Variants in SPOCK3 observed in about 807,000 individuals in gnomAD.
SPOCK3 encodes SPARC (osteonectin), cwcv and kazal like domains proteoglycan 3, also known as testican-3.
A neutral mutation model predicts 56.6 loss-of-function variants in SPOCK3; 30 were observed. That is an observed-to-expected ratio of 0.53 (90% CI 0.40 to 0.72). The LOEUF (loss-of-function observed/expected upper bound fraction) is 0.72. Ranked by LOEUF, SPOCK3 falls within the 30% of genes least tolerant of loss-of-function variation. SPOCK3 has a pLI of 0.00. For synonymous variants in SPOCK3, 196 were observed against 183.3 expected (o/e 1.07, Z -0.56); for missense variants, 527 against 530.0 (o/e 0.99, Z 0.06).
At chr4:166,963,801 C>A (rs141350549) in intron 4 of SPOCK3, among the ~76,000 whole-genome samples, 149 of 151,678 alleles carry the variant, frequency 9.8e-4, no homozygotes, top group African/African-American at 3.3e-3. Context: ...GTTTTTTATC[C>A]CAATGTCAGA....
intron 3 of SPOCK3, among the ~76,000 whole-genome samples, chr4:167,036,292 T>C (rs943831554): frequency 6.6e-6 from 1 of 152,260 alleles, no homozygotes; most frequent in South Asian, 2.1e-4. Context: ...CTGCGTTTTT[T>C]CTCTGTTCTA....
At chr4:166,929,082 G>T (rs1216752746) in intron 4 of SPOCK3, among the ~76,000 whole-genome samples, 1 of 152,112 alleles carries the variant, frequency 6.6e-6, no homozygotes, top group Admixed American at 6.5e-5. Flanking sequence ...GTTGATAATG[G>T]GGAGGGTTCT....
At chr4:167,122,586 A>G (rs559265741) in intron 2 of SPOCK3, among the ~76,000 whole-genome samples, 1 of 152,360 alleles carries the variant, frequency 6.6e-6, no homozygotes, top group South Asian at 2.1e-4. Context: ...ACATTGTCAC[A>G]TTGTACTTGT....
At chr4:166,930,277 G>C (rs1484561203) in intron 4 of SPOCK3, among the ~76,000 whole-genome samples, 1 of 152,096 alleles carries the variant, frequency 6.6e-6, no homozygotes, top group Non-Finnish European at 1.5e-5. Context: ...GGGGAGTAAA[G>C]ATTGAGCCAT....
At chr4:167,042,600 G>A (rs1188904388) in intron 3 of SPOCK3, among the ~76,000 whole-genome samples, 2 of 152,038 alleles carry the variant, frequency 1.3e-5, no homozygotes, top group East Asian at 3.9e-4. Context: ...TCTTAAATTT[G>A]TGTGTGGAAG....
chr4:166,835,099 A>G (rs932482556), intron 6 of SPOCK3, among the ~76,000 whole-genome samples: 1 of 152,046 alleles, frequency 6.6e-6, no homozygotes, highest in African/African-American at 2.4e-5. Flanking sequence ...TTATATAAGT[A>G]CTGTTAATAG....
At chr4:166,773,074 G>C (rs75674853) in intron 7 of SPOCK3, among the ~76,000 whole-genome samples, 1,658 of 152,284 alleles carry the variant, frequency 0.011, 13 homozygotes, top group Non-Finnish European at 0.018. Flanking sequence ...CTACAGTCAT[G>C]AGCCAGCATG....
chr4:166,777,033 G>A (rs2126598419), intron 7 of SPOCK3, among the ~76,000 whole-genome samples: 1 of 152,232 alleles, frequency 6.6e-6, no homozygotes, highest in Non-Finnish European at 1.5e-5. Context: ...TAAATGCCAG[G>A]ATTCTAAAAC....
intron 4 of SPOCK3, among the ~76,000 whole-genome samples, chr4:166,955,547 AATTAT>A (rs1042794497): frequency 4.8e-5 from 7 of 144,502 alleles, no homozygotes; most frequent in Admixed American, 1.4e-4. Context: ...AATATTATTA[AATTAT>A]ATTATATTAT....
intron 2 of SPOCK3, among the ~76,000 whole-genome samples, chr4:167,135,327 A>G (rs12640303): frequency 0.63 from 96,397 of 151,936 alleles, 31,238 homozygotes; most frequent in South Asian, 0.72. Context: ...AGAGATGACA[A>G]TGTTCAATTT....
chr4:167,148,359 A>C (rs1371382292), intron 2 of SPOCK3, among the ~76,000 whole-genome samples: 1 of 152,018 alleles, frequency 6.6e-6, no homozygotes, highest in East Asian at 1.9e-4. Context: ...CCTTCTATAA[A>C]ATAACTTTCT....
At chr4:166,926,554 G>T (rs1004474547) in intron 4 of SPOCK3, among the ~76,000 whole-genome samples, 5 of 145,740 alleles carry the variant, frequency 3.4e-5, no homozygotes, top group Non-Finnish European at 6.1e-5. Context: ...TGTTTTTTTT[G>T]ATGAGTATTT....
chr4:166,753,382 T>G (rs987133347), intron 8 of SPOCK3, among the ~76,000 whole-genome samples: 5 of 152,012 alleles, frequency 3.3e-5, no homozygotes, highest in Non-Finnish European at 7.4e-5. Context: ...ATATGTAATG[T>G]AGCCAACAAT....
Position 166,733,876 on chromosome 4 carries a change from T to C in SPOCK3, c.*1045A>G, listed in dbSNP as rs1733972539. ...CTGATATTAATCTGTTAATTAGGTG[T>C]GCTTATATATTGCGTAATATACTAT... On this transcript the variant is annotated 3_prime_UTR_variant, in exon 11 of 11. Coordinates refer to ENST00000357545, the MANE Select transcript of SPOCK3 (RefSeq NM_001040159.2). 6.6e-6 allele frequency: 1 copy of C among 152,274 alleles called. No homozygotes were observed. The highest frequency in any genetic ancestry group is 2.4e-5 in the African/African-American group (1 of 41,436). The allele number at this position is 152,274 out of a possible 1,614,324, so 9.4% of individuals were successfully genotyped here.
intron 3 of SPOCK3, among the ~76,000 whole-genome samples, chr4:167,028,835 CTT>C (rs1300523269): frequency 2.6e-5 from 4 of 151,990 alleles, no homozygotes; most frequent in Admixed American, 6.6e-5. Flanking sequence ...CATAAACTAA[CTT>C]AACTCTTTGT....
chr4:167,170,367 CAGT>C (rs144602810), intron 2 of SPOCK3, among the ~76,000 whole-genome samples: 4,332 of 152,230 alleles, frequency 0.028, 193 homozygotes, highest in African/African-American at 0.098. Flanking sequence ...CAGGTGCTGA[CAGT>C]ACATAGAGGC....
At chr4:166,984,799 C>A (rs1377800923) in intron 4 of SPOCK3, among the ~76,000 whole-genome samples, 1 of 152,092 alleles carries the variant, frequency 6.6e-6, no homozygotes, top group Admixed American at 6.5e-5. Flanking sequence ...TAACTACAGA[C>A]CATGAAATGT....
At chr4:166,750,309 A>G (rs1264917967) in intron 8 of SPOCK3, among the ~76,000 whole-genome samples, 1 of 152,132 alleles carries the variant, frequency 6.6e-6, no homozygotes, top group African/African-American at 2.4e-5. Flanking sequence ...TAATTGCATT[A>G]AAGTTTGGAC....
chr4:166,836,101 C>T (rs188349165), intron 6 of SPOCK3, among the ~76,000 whole-genome samples: 11 of 152,210 alleles, frequency 7.2e-5, no homozygotes, highest in Non-Finnish European at 1.3e-4. Flanking sequence ...TGAATCTTAG[C>T]GGAGTACAAT....
Sources: gnomAD v4.1 joint callset for allele counts (sites outside exome capture counted in the v4.1 genomes callset) on GRCh38, gnomAD v4.1.1 for gene constraint, MANE v1.5 for transcripts, NCBI Gene and HGNC (gene_info 2026-07-23, HGNC 2026-07-21) for gene names.